The following GRIP1 variants were observed in gnomAD, a reference collection of about 807,000 sequenced individuals.
GRIP1 encodes the protein glutamate receptor interacting protein 1.
In GRIP1, 45 loss-of-function variants were observed where a neutral mutation model predicts 129.9. That is an observed-to-expected ratio of 0.35 (90% CI 0.27 to 0.44). The LOEUF (loss-of-function observed/expected upper bound fraction) is 0.44, where lower values mean the gene tolerates loss of function less well. Among genes scored for constraint, GRIP1 ranks in the 20% least tolerant of loss-of-function variants. The probability of loss-of-function intolerance (pLI) is 1.00; values close to 1 mark genes in which losing one functional copy is unlikely to be tolerated. For missense variants in GRIP1, 1,196 were observed against 1,396.8 expected, an observed-to-expected ratio of 0.86 and a Z score of 2.29; for synonymous variants, 530 against 520.8, an observed-to-expected ratio of 1.02 and a Z score of -0.24.
At chr12:66,619,248 T>C (rs2065167759) in intron 1 of GRIP1, among the ~76,000 whole-genome samples, 1 of 152,134 alleles carries the variant, frequency 6.6e-6, no homozygotes, top group South Asian at 2.1e-4. Context: ...GAGTGCTATT[T>C]CTCTTTTAAA....
rs139869464 is a variant in GRIP1, at chr12:66,880,524, G to A, written c.58+188526C>T. On this transcript the variant is annotated intron_variant, in intron 1 of 1. Transcript: ENST00000643019. ...GGGTATGGGAGCAGAGAGATTGCAG[G>A]CATAACCAGAGGATGAAGACAGAGT... is the stretch of plus-strand genomic sequence containing the variant. Among the ~76,000 whole-genome samples, 5 of 152,218 alleles carry A rather than the reference G, an allele frequency of 3.3e-5. No homozygotes were observed. In the East Asian group the frequency reaches 9.6e-4, roughly 29 times the overall value.
At chr12:66,388,030 A>G (rs1482144513) in intron 19 of GRIP1, among the ~76,000 whole-genome samples, 1 of 152,172 alleles carries the variant, frequency 6.6e-6, no homozygotes, top group Non-Finnish European at 1.5e-5. Flanking sequence ...ATAAAATTTA[A>G]AAGGAACTGA....
Position 66,414,820 on chromosome 12 carries a change from A to C in GRIP1, c.1838+5900T>G, listed in dbSNP as rs182922981. On this transcript the variant is annotated intron_variant, in intron 15 of 24. Coordinates refer to ENST00000359742, the MANE Select transcript of GRIP1 (RefSeq NM_001366722.1). ...ACCCATAACCATCTGATCATCAAGAAACCTGACAAAAACAAGCAATGGGAA... is the reference window on the plus strand; with the variant it reads ...ACCCATAACCATCTGATCATCAAGACACCTGACAAAAACAAGCAATGGGAA... 3.6e-3 allele frequency among the ~76,000 whole-genome samples: 552 copies of C among 152,062 alleles called. 7 individuals are homozygous for C. The East Asian group carries it at 0.038, about 10-fold the overall frequency.
At chr12:66,388,565 A>G (rs1455177585) in intron 19 of GRIP1, among the ~76,000 whole-genome samples, 4 of 152,216 alleles carry the variant, frequency 2.6e-5, no homozygotes, top group Admixed American at 1.3e-4. Flanking sequence ...AGATGCAAGG[A>G]GGCCAAATGC....
At position 66,371,680 on chromosome 12, in the gene GRIP1, G is replaced by A. The variant is rs369591677; in HGVS notation, c.3012+14C>T. The A allele has an allele frequency of 1.3e-6, 2 of 1,563,316 alleles. No individual in the cohort carries two copies. Among genetic ancestry groups the A allele is most frequent in the Admixed American group, 1.7e-5 (1 of 59,964 alleles). On this transcript the variant is annotated intron_variant, in intron 23 of 24. Coordinates refer to ENST00000359742, the MANE Select transcript of GRIP1 (RefSeq NM_001366722.1). ...CAAATTTGACCCTAGGGAAAGAAGA[G>A]AAAGCTTACTGACCTTGTGCAGCTC...
chr12:66,616,005 G>A (rs1332002024), intron 1 of GRIP1, among the ~76,000 whole-genome samples: 1 of 152,052 alleles, frequency 6.6e-6, no homozygotes, highest in Non-Finnish European at 1.5e-5. Flanking sequence ...GGCCTTTTTG[G>A]GGACAATTAA....
intron 13 of GRIP1, among the ~76,000 whole-genome samples, chr12:66,433,305 A>G (rs1011975987): frequency 1.3e-5 from 2 of 152,170 alleles, no homozygotes; most frequent in African/African-American, 4.8e-5. Flanking sequence ...AAAGACTAAA[A>G]CAACCAATCA....
chr12:66,572,236 A>G (rs1410239682), intron 2 of GRIP1, among the ~76,000 whole-genome samples: 3 of 152,212 alleles, frequency 2.0e-5, no homozygotes, highest in Non-Finnish European at 2.9e-5. Context: ...AGAGCCTAGC[A>G]GTCCAATTCA....
At chr12:66,806,330 AT>A (rs1464321825), upstream of GRIP1, among the ~76,000 whole-genome samples, 1 of 152,152 alleles carries the variant, frequency 6.6e-6, no homozygotes, top group African/African-American at 2.4e-5. Flanking sequence ...ATTCAAGTTC[AT>A]TCTTTTCTAT....
chr12:66,934,076 T>C (rs2041444619), intron 1 of GRIP1, among the ~76,000 whole-genome samples: 1 of 152,222 alleles, frequency 6.6e-6, no homozygotes, highest in African/African-American at 2.4e-5. Flanking sequence ...TACTTTCTTG[T>C]TGTTCTTGAT....
At chr12:66,617,217 A>G (rs920130232) in intron 1 of GRIP1, among the ~76,000 whole-genome samples, 7 of 150,208 alleles carry the variant, frequency 4.7e-5, no homozygotes, top group South Asian at 4.2e-4. Flanking sequence ...GGACCAAGAG[A>G]CAACTTTGCT....
At chr12:66,841,769 C>G (rs17247049) in intron 1 of GRIP1, among the ~76,000 whole-genome samples, 23,239 of 152,108 alleles carry the variant, frequency 0.15, 1,982 homozygotes, top group East Asian at 0.37. Flanking sequence ...CCTAAAGAAG[C>G]CTTTATCGCT....
intron 2 of GRIP1, among the ~76,000 whole-genome samples, chr12:66,545,614 T>C (rs1169803267): frequency 6.6e-6 from 1 of 152,114 alleles, no homozygotes; most frequent in Non-Finnish European, 1.5e-5. Context: ...TGAAAAGGCA[T>C]CCCATTCATT....
At chr12:66,484,886 A>G (rs1445608738) in intron 7 of GRIP1, among the ~76,000 whole-genome samples, 1 of 152,220 alleles carries the variant, frequency 6.6e-6, no homozygotes, top group Non-Finnish European at 1.5e-5. Context: ...AGATATCCCT[A>G]TTACTCTGAG....
intron 19 of GRIP1, among the ~76,000 whole-genome samples, chr12:66,385,364 C>T (rs1312303434): frequency 6.6e-6 from 1 of 151,720 alleles, no homozygotes; most frequent in Non-Finnish European, 1.5e-5. Context: ...GGCGAAACAC[C>T]ATCTCTACTA....
chr12:67,010,757 A>G (rs1034813614), intron 1 of GRIP1, among the ~76,000 whole-genome samples: 2 of 152,068 alleles, frequency 1.3e-5, no homozygotes, highest in Non-Finnish European at 2.9e-5. Flanking sequence ...GCCCCACACC[A>G]CAGGTCCTGT....
At chr12:67,021,845 G>T (rs932948676) in intron 1 of GRIP1, among the ~76,000 whole-genome samples, 1 of 151,842 alleles carries the variant, frequency 6.6e-6, no homozygotes, top group Non-Finnish European at 1.5e-5. Flanking sequence ...CACTATTCTA[G>T]TATCTACTTC....
In GRIP1 at chr12:66,675,523, C is replaced by T. The variant is rs150696164; in HGVS notation, c.55+3327G>A. On this transcript the variant is annotated intron_variant, in intron 1 of 24. Transcript: ENST00000359742. ...GAGCCATGAAAATATCTCCCCTTCTCTGAGAACATACTCCCTTCCCCTGAG... is the reference window on the plus strand; with the variant it reads ...GAGCCATGAAAATATCTCCCCTTCTTTGAGAACATACTCCCTTCCCCTGAG... Among the ~76,000 whole-genome samples the T allele has an allele frequency of 5.8e-4, 88 of 152,272 alleles. 1 individual carries two copies. The highest frequency in any genetic ancestry group is 2.0e-3 in the African/African-American group (82 of 41,562).
chr12:66,429,814 T>C (rs567976886), intron 14 of GRIP1, among the ~76,000 whole-genome samples: 1 of 152,326 alleles, frequency 6.6e-6, no homozygotes, highest in Non-Finnish European at 1.5e-5. Flanking sequence ...TTAAGGCATT[T>C]TACATATAGT....
Sources: allele counts gnomAD v4.1 joint callset (sites outside exome capture counted in the v4.1 genomes callset), GRCh38; gene constraint gnomAD v4.1.1; transcripts MANE v1.5; gene names NCBI Gene and HGNC (gene_info 2026-07-23, HGNC 2026-07-21).